LARGE1: variants seen among roughly 807,000 people sequenced by gnomAD.
The protein encoded by LARGE1 is LARGE xylosyl- and glucuronyltransferase 1, also known as xylosyl- and glucuronyltransferase LARGE1.
In LARGE1, 43 loss-of-function variants were observed where a neutral mutation model predicts 87.6. That is an observed-to-expected ratio of 0.49 (90% CI 0.38 to 0.63). LARGE1 has a LOEUF of 0.63. LARGE1 is among the 30% of genes least tolerant of loss of function. LARGE1 has a pLI of 0.00. For missense variants in LARGE1, 802 were observed against 1,000.2 expected, an observed-to-expected ratio of 0.80 and a Z score of 2.67; for synonymous variants, 434 against 394.6, an observed-to-expected ratio of 1.10 and a Z score of -1.18.
the LARGE1 span, among the ~76,000 whole-genome samples, chr22:33,122,839 G>T: frequency 1.3e-5 from 2 of 152,134 alleles, no homozygotes; most frequent in African/African-American, 4.8e-5. Context: ...CATATATTCT[G>T]ATTTTTCCAC....
chr22:33,124,142 C>T, the LARGE1 span, among the ~76,000 whole-genome samples: 1 of 152,034 alleles, frequency 6.6e-6, no homozygotes, highest in Admixed American at 6.6e-5. Flanking sequence ...CAAAAATTAG[C>T]CAGGCATGGT....
intron 7 of LARGE1, among the ~76,000 whole-genome samples, chr22:33,387,641 C>T (rs1369229108): frequency 6.6e-6 from 1 of 151,864 alleles, no homozygotes; most frequent in Non-Finnish European, 1.5e-5. Flanking sequence ...AAGCTGAGAA[C>T]TGATGCTTTT....
intron 8 of LARGE1, among the ~76,000 whole-genome samples, chr22:33,383,869 G>T (rs1383540793): frequency 6.6e-6 from 1 of 152,228 alleles, no homozygotes; most frequent in Non-Finnish European, 1.5e-5. Context: ...ATCTACTTAT[G>T]AGTCTGCGTC....
At chr22:33,572,933 T>C (rs1186378530) in intron 5 of LARGE1, among the ~76,000 whole-genome samples, 10 of 152,120 alleles carry the variant, frequency 6.6e-5, no homozygotes, top group Admixed American at 6.5e-4. Context: ...GGAGACTGAC[T>C]GACTGGGTTT....
intron 1 of LARGE1, among the ~76,000 whole-genome samples, chr22:33,872,795 C>T (rs902597174): frequency 3.3e-5 from 5 of 152,090 alleles, no homozygotes; most frequent in South Asian, 2.1e-4. Context: ...GTCAGGAGTT[C>T]GAGACCAGCC....
chr22:33,278,942 T>A (rs994527660), intron 13 of LARGE1, among the ~76,000 whole-genome samples: 1 of 152,080 alleles, frequency 6.6e-6, no homozygotes, highest in African/African-American at 2.4e-5. Flanking sequence ...ATGGTCTCCA[T>A]CTCTTGACCT....
chr22:33,722,317 AGAGGGAGAGGAGGGAGAGGGAGAGGAGAG>A, intron 2 of LARGE1, among the ~76,000 whole-genome samples: 1 of 124,968 alleles, frequency 8.0e-6, no homozygotes, highest in Admixed American at 8.1e-5. Flanking sequence ...GAGAGGAGGG[AGAGGGAGAGGAGGGAGAGGGAGAGGAGAG>A]GAGGGAGAGG....
At chr22:33,909,978 G>C (rs1269491218) in intron 1 of LARGE1, among the ~76,000 whole-genome samples, 1 of 152,132 alleles carries the variant, frequency 6.6e-6, no homozygotes, top group Non-Finnish European at 1.5e-5. Flanking sequence ...TGTATCCAAA[G>C]ACCCAACTCA....
intron 4 of LARGE1, among the ~76,000 whole-genome samples, chr22:33,623,734 C>G (rs1193427889): frequency 6.7e-6 from 1 of 148,704 alleles, no homozygotes; most frequent in Non-Finnish European, 1.5e-5. Flanking sequence ...AACCTAAAGT[C>G]TAAAGAGTTA....
chr22:33,906,036 A>T (rs1340800432), intron 1 of LARGE1, among the ~76,000 whole-genome samples: 1 of 152,196 alleles, frequency 6.6e-6, no homozygotes, highest in African/African-American at 2.4e-5. Flanking sequence ...AGGCTGAGAC[A>T]GGAGAATTGC....
intron 6 of LARGE1, among the ~76,000 whole-genome samples, chr22:33,526,448 T>G (rs2071900578): frequency 6.6e-6 from 1 of 152,248 alleles, no homozygotes; most frequent in African/African-American, 2.4e-5. Context: ...ATGCTGGACT[T>G]GGAGCCTTTG....
At chr22:33,264,424 CA>C (rs1422649544) in intron 11 of LARGE1, among the ~76,000 whole-genome samples, 1 of 152,170 alleles carries the variant, frequency 6.6e-6, no homozygotes, top group African/African-American at 2.4e-5. Context: ...TCTGGGAGGC[CA>C]AAGCGGGTGG....
chr22:33,075,813 A>G, the LARGE1 span, among the ~76,000 whole-genome samples: 1 of 152,168 alleles, frequency 6.6e-6, no homozygotes, highest in African/African-American at 2.4e-5. Flanking sequence ...ATTGAATAGG[A>G]TTAGAGAAAC....
At chr22:33,134,415 C>T in the LARGE1 span, among the ~76,000 whole-genome samples, 10 of 152,050 alleles carry the variant, frequency 6.6e-5, no homozygotes, top group Non-Finnish European at 8.8e-5. Context: ...CCCGCCACCA[C>T]GCCTGGCTAA....
Position 33,565,035 on chromosome 22 carries a change from C to G in LARGE1, c.616-16G>C. ...AAACTTCAGACTAGACAGAACAAGG[C>G]AGAGAGAGAGTTGGAGAAAGGGAAA... On this transcript the variant is annotated splice_polypyrimidine_tract_variant and intron_variant, in intron 5 of 14. Transcript: ENST00000397394. The G allele has an allele frequency of 6.2e-7, 1 of 1,612,782 alleles. No individual in the cohort carries two copies. The highest frequency in any genetic ancestry group is 8.5e-7 in the Non-Finnish European group (1 of 1,178,900).
At chr22:33,183,883 G>C (rs1303490400) in intron 11 of LARGE1, among the ~76,000 whole-genome samples, 1 of 151,668 alleles carries the variant, frequency 6.6e-6, no homozygotes, top group Non-Finnish European at 1.5e-5. Flanking sequence ...TTGGTCAAAG[G>C]GTACAAACTT....
intron 6 of LARGE1, among the ~76,000 whole-genome samples, chr22:33,482,713 A>T (rs1332187373): frequency 1.1e-5 from 1 of 87,278 alleles, no homozygotes; most frequent in Admixed American, 1.1e-4. Flanking sequence ...TATAATAATA[A>T]AAAAAAACAC....
chr22:33,183,922 GATTGAATGCACAGAAT>G (rs2146173533), intron 11 of LARGE1, among the ~76,000 whole-genome samples: 1 of 151,926 alleles, frequency 6.6e-6, no homozygotes, highest in African/African-American at 2.4e-5. Flanking sequence ...AAGTTCTGGG[GATTGAATGCACAGAAT>G]GGTGACTATA....
At chr22:33,206,756 CATAA>C (rs977141806) in intron 11 of LARGE1, among the ~76,000 whole-genome samples, 2 of 152,160 alleles carry the variant, frequency 1.3e-5, no homozygotes, top group African/African-American at 4.8e-5. Context: ...GTGAAACTCT[CATAA>C]ATAGTTTTTT....
Sources: allele counts gnomAD v4.1 joint callset (sites outside exome capture counted in the v4.1 genomes callset), GRCh38; gene constraint gnomAD v4.1.1; transcripts MANE v1.5; gene names NCBI Gene and HGNC (gene_info 2026-07-23, HGNC 2026-07-21).